The following IGF2BP2 variants were observed in gnomAD, a reference collection of about 807,000 sequenced individuals.
IGF2BP2 encodes insulin-like growth factor 2 mRNA-binding protein 2.
Under a neutral mutation model 75.8 loss-of-function variants are expected in IGF2BP2, and 17 were observed. That is an observed-to-expected ratio of 0.22 (90% confidence interval 0.15 to 0.34). IGF2BP2 has a LOEUF of 0.34. Among genes scored for constraint, IGF2BP2 ranks in the 10% least tolerant of loss-of-function variants. The pLI, the probability that IGF2BP2 is intolerant of heterozygous loss-of-function variation, is 1.00. For synonymous variants in IGF2BP2, 288 were observed against 295.6 expected, an observed-to-expected ratio of 0.97 and a Z score of 0.26; for missense variants, 516 against 772.4, an observed-to-expected ratio of 0.67 and a Z score of 3.93.
At chr3:185,698,522 G>T (rs981180591) in intron 2 of IGF2BP2, among the ~76,000 whole-genome samples, 175 bp from the exon 3 acceptor site, 1 of 151,174 alleles carries the variant, frequency 6.6e-6, no homozygotes, top group Non-Finnish European at 1.5e-5. Flanking sequence ...GTTTTTTTTC[G>T]AGCCAGAGTC....
At chr3:185,665,839 T>C (rs1370080208) in intron 10 of IGF2BP2, among the ~76,000 whole-genome samples, 1 of 152,108 alleles carries the variant, frequency 6.6e-6, no homozygotes, top group Non-Finnish European at 1.5e-5. Context: ...TGGTGGCACA[T>C]GCCTGTAGTC....
chr3:185,824,303 G>T (rs1018699540), intron 1 of IGF2BP2, among the ~76,000 whole-genome samples: 1 of 151,602 alleles, frequency 6.6e-6, no homozygotes, highest in African/African-American at 2.4e-5. Flanking sequence ...GCCAGAGGGC[G>T]AGAGGTTCTG....
At chr3:185,797,211 C>G (rs1737538315) in intron 2 of IGF2BP2, among the ~76,000 whole-genome samples, 1 of 152,184 alleles carries the variant, frequency 6.6e-6, no homozygotes, top group South Asian at 2.1e-4. Flanking sequence ...TACAATGATA[C>G]ACATGAACCT....
At chr3:185,739,719 G>A (rs188486819) in intron 2 of IGF2BP2, among the ~76,000 whole-genome samples, 5 of 152,240 alleles carry the variant, frequency 3.3e-5, no homozygotes, top group Admixed American at 6.5e-5. Flanking sequence ...TCTCGGCGGA[G>A]GTTCCAGACC....
intron 9 of IGF2BP2, among the ~76,000 whole-genome samples, chr3:185,673,686 C>A (rs961753424): frequency 2.0e-5 from 3 of 152,222 alleles, no homozygotes; most frequent in African/African-American, 7.2e-5. Context: ...TGTCTACATT[C>A]ACACTGTAAC....
intron 2 of IGF2BP2, among the ~76,000 whole-genome samples, chr3:185,794,981 T>C (rs1737160910): frequency 6.6e-6 from 1 of 152,034 alleles, no homozygotes. Context: ...CACTGCAAGC[T>C]CCACCTCCCG....
chr3:185,663,463 G>A (rs1181045930), intron 10 of IGF2BP2, among the ~76,000 whole-genome samples: 1 of 152,162 alleles, frequency 6.6e-6, no homozygotes, highest in Non-Finnish European at 1.5e-5. Context: ...CTTCTGGGGG[G>A]TAGGTAGAGG....
At chr3:185,694,711 G>A (rs982347778) in intron 4 of IGF2BP2, among the ~76,000 whole-genome samples, 3 of 152,210 alleles carry the variant, frequency 2.0e-5, no homozygotes, top group African/African-American at 4.8e-5. Flanking sequence ...ATTGTCCTCA[G>A]TTTATAATAT....
chr3:185,745,284 G>C (rs1730104039), intron 2 of IGF2BP2, among the ~76,000 whole-genome samples: 1 of 152,176 alleles, frequency 6.6e-6, no homozygotes, highest in African/African-American at 2.4e-5. Context: ...AGCTTCTCTG[G>C]TACCTGGCCT....
intron 10 of IGF2BP2, among the ~76,000 whole-genome samples, chr3:185,662,840 G>A (rs938807269): frequency 8.6e-5 from 13 of 151,906 alleles, no homozygotes; most frequent in African/African-American, 3.1e-4. Context: ...ACTGCAGCTG[G>A]CTAATTTTTT....
intron 2 of IGF2BP2, among the ~76,000 whole-genome samples, chr3:185,812,608 C>A (rs1436612013): frequency 1.3e-5 from 2 of 152,192 alleles, no homozygotes; most frequent in African/African-American, 4.8e-5. Context: ...CAGAATTACA[C>A]ACTTTACACA....
chr3:185,761,790 A>G (rs1251821868), intron 2 of IGF2BP2, among the ~76,000 whole-genome samples: 2 of 152,228 alleles, frequency 1.3e-5, no homozygotes, highest in African/African-American at 2.4e-5. Context: ...CACTTTGGTT[A>G]GGATTTAAAC....
chr3:185,668,487 C>CGAGA (rs1274930634), intron 10 of IGF2BP2, among the ~76,000 whole-genome samples: 216 of 124,820 alleles, frequency 1.7e-3, no homozygotes, highest in African/African-American at 3.7e-3. Flanking sequence ...TTCATTTGTT[C>CGAGA]GAGAGAGAGA....
rs143420936 is a variant in IGF2BP2 at position 185,706,312 on chromosome 3, G to A, written c.240-7965C>T. On this transcript the variant is annotated intron_variant, in intron 2 of 15. Transcript: ENST00000382199. The stretch of plus-strand genomic sequence containing the variant: ...AGCTACTTGGGAGGCTGAGGTGTGA[G>A]GATCACTTGAGCCTGGGAGGTCAAG... Among the ~76,000 whole-genome samples the A allele has an allele frequency of 3.7e-3, 571 of 152,324 alleles. 4 individuals are homozygous for A. Among genetic ancestry groups the A allele is most frequent in the African/African-American group, 0.013 (547 of 41,570 alleles).
chr3:185,688,895 C>G (rs1721519318), intron 6 of IGF2BP2, among the ~76,000 whole-genome samples: 1 of 152,186 alleles, frequency 6.6e-6, no homozygotes, highest in African/African-American at 2.4e-5. Flanking sequence ...GGAAACTAAA[C>G]AGAAGGCCAG....
rs764782883 is a variant in IGF2BP2, at chr3:185,675,436, C to T, written c.936-5G>A. 6.3e-6 allele frequency: 10 copies of T among 1,597,626 alleles called. No homozygotes were observed. In the South Asian group the frequency reaches 1.2e-4, roughly 18 times the overall value. ...TATATGCTCAAATCCTGCAAACTGACCCATGAGAAGAAAAGAGAAATTTTG... is the reference window on the plus strand; with the variant it reads ...TATATGCTCAAATCCTGCAAACTGATCCATGAGAAGAAAAGAGAAATTTTG... On this transcript the variant is annotated splice_polypyrimidine_tract_variant and splice_region_variant and intron_variant, in intron 8 of 15. Coordinates refer to ENST00000382199, the MANE Select transcript of IGF2BP2 (RefSeq NM_006548.6).
At chr3:185,691,351 G>A (rs1721932093) in intron 5 of IGF2BP2, among the ~76,000 whole-genome samples, 1 of 152,162 alleles carries the variant, frequency 6.6e-6, no homozygotes, top group Non-Finnish European at 1.5e-5. Flanking sequence ...GCCCACCTCG[G>A]CCTCCCAAAG....
rs1373613232 is a variant in IGF2BP2, at chr3:185,801,389, T to C, written c.239+21764A>G. 4.0e-5 allele frequency among the ~76,000 whole-genome samples: 6 copies of C among 149,534 alleles called. No individual in the cohort carries two copies. In the Admixed American group the frequency reaches 4.1e-4, roughly 10 times the overall value. On this transcript the variant is annotated intron_variant, in intron 2 of 15. Transcript: ENST00000382199. The stretch of plus-strand genomic sequence containing the variant: ...CTGTAATCCCAGCTACTCAGGAGGC[T>C]GAGGCAGGAGAATTGCTTGAACCCA...
intron 2 of IGF2BP2, among the ~76,000 whole-genome samples, chr3:185,772,419 ACTC>A (rs935676311): frequency 4.6e-5 from 7 of 151,692 alleles, no homozygotes; most frequent in African/African-American, 1.7e-4. Flanking sequence ...CCAAATATCT[ACTC>A]CTCATGCTTC....
Sources: allele counts gnomAD v4.1 joint callset (sites outside exome capture counted in the v4.1 genomes callset), GRCh38; gene constraint gnomAD v4.1.1; transcripts MANE v1.5; gene names NCBI Gene and HGNC (gene_info 2026-07-23, HGNC 2026-07-21).